The following SORT1 variants were observed in gnomAD, a reference collection of about 807,000 sequenced individuals.
The protein encoded by SORT1 is sortilin 1.
SORT1 carries 39 observed loss-of-function variants against 101.7 expected under a neutral mutation model. That is an observed-to-expected ratio of 0.38 (90% CI 0.30 to 0.50). The LOEUF is 0.50. Ranked by LOEUF, SORT1 falls within the 20% of genes least tolerant of loss-of-function variation. The pLI, the probability that SORT1 is intolerant of heterozygous loss-of-function variation, is 0.90. For missense variants in SORT1, 878 were observed against 1,040.4 expected (o/e 0.84, Z 2.15); for synonymous variants, 396 against 393.7 (o/e 1.01, Z -0.07).
intron 1 of SORT1, among the ~76,000 whole-genome samples, chr1:109,383,064 T>C (rs951823498): frequency 5.3e-5 from 8 of 152,042 alleles, no homozygotes; most frequent in African/African-American, 1.9e-4. Flanking sequence ...TTAAAGTTGG[T>C]CCCAAGAGTC....
At chr1:109,323,166 C>T in intron 14 of SORT1, 45 bp from the exon 15 acceptor site, 1 of 1,439,332 alleles carries the variant, frequency 6.9e-7, no homozygotes, top group South Asian at 1.2e-5. Context: ...AGCACAGAAC[C>T]CACCCACGGG....
At chr1:109,367,371 C>G (rs755026051) in intron 3 of SORT1, 37 bp downstream of exon 3, 8 of 1,176,940 alleles carry the variant, frequency 6.8e-6, no homozygotes, top group Middle Eastern at 1.9e-4. Flanking sequence ...CTCAATGTTA[C>G]TTAGTGAAAT....
At chr1:109,373,361 A>C (rs997373198) in intron 1 of SORT1, among the ~76,000 whole-genome samples, 3 of 152,186 alleles carry the variant, frequency 2.0e-5, no homozygotes, top group Non-Finnish European at 4.4e-5. Flanking sequence ...CAGAAAAAAA[A>C]TTCTGGAGAT....
chr1:109,396,367 C>A (rs1653176838), intron 1 of SORT1, among the ~76,000 whole-genome samples: 1 of 152,142 alleles, frequency 6.6e-6, no homozygotes, highest in South Asian at 2.1e-4. Context: ...CTCAATCCCC[C>A]ACTGTGAGAA....
At chr1:109,345,164 G>T (rs1197021548) in intron 8 of SORT1, among the ~76,000 whole-genome samples, 1 of 152,198 alleles carries the variant, frequency 6.6e-6, no homozygotes, top group African/African-American at 2.4e-5. Flanking sequence ...CTTGGATAAT[G>T]AGCAAGAGAT....
In SORT1 at chr1:109,392,925, T is replaced by C. The variant is rs978511722; in HGVS notation, c.306+4662A>G. Reference sequence around the variant, plus strand: ...AAACAGAACTCAAGAGACTATTAAATAAGCTAGACGGCTGGGGGTGCTAGG... The same window carrying C: ...AAACAGAACTCAAGAGACTATTAAACAAGCTAGACGGCTGGGGGTGCTAGG... On this transcript the variant is annotated intron_variant, in intron 1 of 19. Transcript: ENST00000256637. 1.0e-5 allele frequency: 10 copies of C among 985,120 alleles called. No homozygotes were observed. In the African/African-American group the frequency reaches 1.2e-4, roughly 12 times the overall value. The allele number at this position is 985,120 out of a possible 1,614,324, so 61.0% of individuals were successfully genotyped here. A position where few individuals can be genotyped will look rare whatever the true frequency, so the allele number is the denominator to read the frequency against.
rs992699384 is a variant in SORT1 at position 109,313,064 on chromosome 1, CACACG to C, written c.*974_*978del. On this transcript the variant is annotated 3_prime_UTR_variant, in exon 20 of 20. Coordinates refer to ENST00000256637, the MANE Select transcript of SORT1 (RefSeq NM_002959.7). ...CCATTGTCATGATTTAGCAACGAGCCACACGACAGTTAAGAAGGGAACATGGAAGA... is the reference window on the plus strand; with the variant it reads ...CCATTGTCATGATTTAGCAACGAGCCACAGTTAAGAAGGGAACATGGAAGA... 5.9e-5 allele frequency: 9 copies of C among 152,150 alleles called. No homozygotes were observed. The highest frequency in any genetic ancestry group is 2.2e-4 in the African/African-American group (9 of 41,440). The allele number at this position is 152,150 out of a possible 1,614,324, so 9.4% of individuals were successfully genotyped here. A position where few individuals can be genotyped will look rare whatever the true frequency, so the allele number is the denominator to read the frequency against.
intron 10 of SORT1, among the ~76,000 whole-genome samples, chr1:109,340,497 T>C (rs1570921177): frequency 6.6e-6 from 1 of 152,032 alleles, no homozygotes; most frequent in South Asian, 2.1e-4. Flanking sequence ...TTGTGCAACA[T>C]TGTGACTGTG....
Position 109,345,826 on chromosome 1 carries a change from G to A in SORT1, c.888C>T (p.Phe296=). The A allele has an allele frequency of 1.2e-6, 2 of 1,613,600 alleles. No homozygotes were observed. Among genetic ancestry groups the A allele is most frequent in the Non-Finnish European group, 8.5e-7 (1 of 1,179,570 alleles). The change falls in exon 8 of 20, where the codon TTC becomes TTT. Residue 296 remains phenylalanine (F), a synonymous_variant. Coordinates refer to ENST00000256637, the MANE Select transcript of SORT1 (RefSeq NM_002959.7). ...AGTAGATTTTCACACCAATAGTTTT[G>A]AAGCTTTTTCCCAAGTCTGAAGTTC... is the stretch of plus-strand genomic sequence containing the variant. ...LWRTSDLGKS[F]KTIGVKIYSF... is the part of the protein sequence containing the mutation.
intron 7 of SORT1, 119 bp from the exon 8 acceptor site, chr1:109,346,000 A>C (rs1356560126): frequency 1.2e-6 from 1 of 831,334 alleles, no homozygotes; most frequent in East Asian, 2.6e-5. Flanking sequence ...ATGCATGTTA[A>C]TCAAGTGACA....
intron 13 of SORT1, among the ~76,000 whole-genome samples, chr1:109,325,600 A>T (rs1045571330): frequency 2.0e-5 from 3 of 152,168 alleles, no homozygotes; most frequent in Admixed American, 1.3e-4. Flanking sequence ...GTTCAGAGAG[A>T]ATATGAAAGT....
intron 1 of SORT1, among the ~76,000 whole-genome samples, chr1:109,389,116 T>C (rs72981202): frequency 0.016 from 2,456 of 152,334 alleles, 70 homozygotes; most frequent in African/African-American, 0.056. Context: ...TCAAGGGCTG[T>C]ATCTATCAGG....
chr1:109,387,766 G>C (rs1301253201), intron 1 of SORT1, among the ~76,000 whole-genome samples: 1 of 151,940 alleles, frequency 6.6e-6, no homozygotes, highest in African/African-American at 2.4e-5. Flanking sequence ...GCCTGGCCAA[G>C]ATGGTGAAAC....
chr1:109,361,653 ACT>A (rs1313123689), intron 3 of SORT1, among the ~76,000 whole-genome samples: 1 of 152,210 alleles, frequency 6.6e-6, no homozygotes, highest in Non-Finnish European at 1.5e-5. Context: ...ATGATGGTAA[ACT>A]CTTAAAAATA....
Position 109,355,455 on chromosome 1 carries a change from T to C in SORT1, c.455A>G (p.Lys152Arg), listed in dbSNP as rs746922365. The change falls in exon 4 of 20, where the codon AAG becomes AGG. Residue 152 changes from lysine (K) to arginine (R), a missense_variant. Around this residue, in one of 2 missense-constraint regions of SORT1, gnomAD observed 684 missense variants for 894.5 expected, o/e 0.76. Coordinates refer to ENST00000256637, the MANE Select transcript of SORT1 (RefSeq NM_002959.7). Reference sequence around the variant, plus strand: ...GAGATCTGTAATATCCTTAAAGTTCTTCCCATAATCCTCACTGAGAGGAAG... The same window carrying C: ...GAGATCTGTAATATCCTTAAAGTTCCTCCCATAATCCTCACTGAGAGGAAG... Reference protein sequence around the residue: ...SKLYRSEDYGKNFKDITDLIN... With the variant: ...SKLYRSEDYGRNFKDITDLIN... 4.4e-6 allele frequency: 7 copies of C among 1,575,800 alleles called. No homozygotes were observed. The East Asian group carries it at 1.3e-4, about 30-fold the overall frequency.
intron 1 of SORT1, chr1:109,392,498 T>C: frequency 4.0e-6 from 2 of 498,932 alleles, no homozygotes; most frequent in Non-Finnish European, 5.2e-6. Flanking sequence ...TAAGCCTTCT[T>C]CCAATTATTT....
In SORT1 at chr1:109,340,437, T is replaced by G. The variant is rs1649134099; in HGVS notation, c.1264+287A>C. Reference sequence around the variant, plus strand: ...GAACGAGGAGTGCTTGTGCACCTGGTGCAATTTCTATTTGGGATGATGAAA... The same window carrying G: ...GAACGAGGAGTGCTTGTGCACCTGGGGCAATTTCTATTTGGGATGATGAAA... On this transcript the variant is annotated intron_variant, in intron 10 of 19. Transcript: ENST00000256637. Among the ~76,000 whole-genome samples the G allele has an allele frequency of 2.0e-5, 3 of 152,168 alleles. No homozygotes were observed. In the South Asian group the frequency reaches 6.2e-4, roughly 31 times the overall value.
At position 109,313,160 on chromosome 1, in the gene SORT1, T is replaced by C. The variant is rs1658823001; in HGVS notation, c.*883A>G. ...ACAATCAACTCTAGGGAAGAGATCA[T>C]TCAGCCTGGGCAGACTTCCAGCTAA... On this transcript the variant is annotated 3_prime_UTR_variant, in exon 20 of 20. Coordinates refer to ENST00000256637, the MANE Select transcript of SORT1 (RefSeq NM_002959.7). The C allele has an allele frequency of 6.6e-6, 1 of 152,390 alleles. No individual in the cohort carries two copies. The highest frequency in any genetic ancestry group is 1.5e-5 in the Non-Finnish European group (1 of 68,040). 9.4% of individuals were successfully genotyped at this position (152,390 alleles called of 1,614,324 possible).
intron 1 of SORT1, chr1:109,397,065 TA>T (rs1211978894): frequency 1.3e-5 from 2 of 152,218 alleles, no homozygotes; most frequent in Admixed American, 1.3e-4. Flanking sequence ...TCTGAAGCAG[TA>T]AAAGAGATCA....
Sources: gnomAD v4.1 joint callset for allele counts (sites outside exome capture counted in the v4.1 genomes callset) on GRCh38, gnomAD v4.1.1 for gene constraint, gnomAD v4.1.1 regional missense constraint, MANE v1.5 for transcripts, NCBI Gene and HGNC (gene_info 2026-07-23, HGNC 2026-07-21) for gene names.